AGTR2: variants seen among roughly 807,000 people sequenced by gnomAD.
The protein encoded by AGTR2 is angiotensin II receptor type 2, also known as type-2 angiotensin II receptor.
Under a neutral mutation model 14.2 loss-of-function variants are expected in AGTR2, and 15 were observed. The ratio of observed to expected loss-of-function variants is 1.05; its 90% CI spans 0.70 to 1.62. The LOEUF (loss-of-function observed/expected upper bound fraction) is 1.62, where lower values mean the gene tolerates loss of function less well. AGTR2 is among the 40% of genes most tolerant of loss of function. The pLI is 0.00. For synonymous variants in AGTR2, 101 were observed against 98.5 expected (o/e 1.03, Z -0.15); for missense variants, 274 against 273.1 (o/e 1.00, Z -0.02).
intron 2 of AGTR2, 59 bp from the exon 3 acceptor site, chrX:116,172,187 A>T: frequency 9.5e-7 from 1 of 1,057,025 alleles, no homozygotes; most frequent in East Asian, 3.0e-5. Flanking sequence ...AATGCTAATG[A>T]TTCAAGGATG....
chrX:116,172,989 CACTT>C lies in AGTR2; in HGVS notation c.713_716del (p.Leu238Ter). The C allele has an allele frequency of 8.3e-7, 1 of 1,211,008 alleles. No individual in the cohort carries two copies. Among genetic ancestry groups the C allele is most frequent in the Non-Finnish European group, 1.1e-6 (1 of 895,254 alleles). On this transcript the variant is annotated frameshift_variant, in exon 3 of 3. Coordinates refer to ENST00000371906, the MANE Select transcript of AGTR2 (RefSeq NM_000686.5). LOFTEE classifies it high-confidence loss of function. ...AACATGCTATTTTGGAATTAGAAAA[CACTT>C]ACTGAAGACGAATAGCTATGGGAAG... is the stretch of plus-strand genomic sequence containing the variant.
At chrX:116,172,145 T>C in intron 2 of AGTR2, 101 bp from the exon 3 acceptor site, 1 of 721,582 alleles carries the variant, frequency 1.4e-6, no homozygotes, top group South Asian at 2.5e-5. Context: ...CTATAATCAC[T>C]CACTTTTTTT....
At position 116,172,866 on chromosome X, in the gene AGTR2, A is replaced by G. The variant is rs782264305; in HGVS notation, c.586A>G (p.Ile196Val). The G allele has an allele frequency of 4.1e-6, 5 of 1,210,098 alleles. No individual in the cohort carries two copies. In the African/African-American group the frequency reaches 5.2e-5, roughly 13 times the overall value. Residue 196 changes from isoleucine to valine, a missense_variant, in exon 3 of 3, where the codon ATT (isoleucine) becomes GTT (valine). By Grantham distance (29) the Ile-to-Val change is conservative (BLOSUM62 3). Coordinates refer to ENST00000371906, the MANE Select transcript of AGTR2 (RefSeq NM_000686.5). ...TGAATACTTAGGAGTGAATGCTTGC[A>G]TTATGGCTTTCCCACCTGAGAAATA... ...TIEYLGVNAC[I>V]MAFPPEKYAQ... is the part of the protein sequence containing the mutation.
Position 116,173,487 on chromosome X carries a change from T to G in AGTR2, c.*115T>G. Reference sequence around the variant, plus strand: ...ATTTCCCCTAATCTTTTCTGAATCTTCTGAAACCAAATGTAACTATGTTTT... The same window carrying G: ...ATTTCCCCTAATCTTTTCTGAATCTGCTGAAACCAAATGTAACTATGTTTT... On this transcript the variant is annotated 3_prime_UTR_variant, in exon 3 of 3. Coordinates refer to ENST00000371906, the MANE Select transcript of AGTR2 (RefSeq NM_000686.5). The G allele has an allele frequency of 1.0e-6, 1 of 970,510 alleles. No individual in the cohort carries two copies. Among genetic ancestry groups the G allele is most frequent in the Non-Finnish European group, 1.4e-6 (1 of 705,907 alleles). 80.0% of individuals were successfully genotyped at this position (970,510 alleles called of 1,213,427 possible). A position where few individuals can be genotyped will look rare whatever the true frequency, so the allele number is the denominator to read the frequency against.
chrX:116,172,607 C>T lies in AGTR2; in HGVS notation c.327C>T (p.Asp109=). The T allele has an allele frequency of 1.3e-5, 16 of 1,211,242 alleles. No homozygotes were observed. Among genetic ancestry groups the T allele is most frequent in the Non-Finnish European group, 1.7e-5 (15 of 895,264 alleles). The change falls in exon 3 of 3, where the codon GAC becomes GAT. Residue 109 remains aspartate (D), a synonymous_variant. Transcript: ENST00000371906. ...LWATYYSYRY[D]WLFGPVMCKV... is the part of the protein sequence containing the mutation. ...CAACCTATTATTCTTATAGATATGA[C>T]TGGCTCTTTGGACCTGTGATGTGCA... is the stretch of plus-strand genomic sequence containing the variant.
Position 116,172,674 on chromosome X carries a change from A to AT in AGTR2, c.402dup (p.Ile135TyrfsTer7), listed in dbSNP as rs387906503. 4.4e-4 allele frequency: 533 copies of AT among 1,208,111 alleles called. No individual in the cohort carries two copies. Among genetic ancestry groups the AT allele is most frequent in the Non-Finnish European group, 5.3e-4 (477 of 894,371 alleles). On this transcript the variant is annotated frameshift_variant, in exon 3 of 3. Coordinates refer to ENST00000371906, the MANE Select transcript of AGTR2 (RefSeq NM_000686.5). LOFTEE classifies it high-confidence loss of function. Reference sequence around the variant, plus strand: ...TCTTACCCTGAACATGTTTGCAAGCATTTTTTTTATCACCTGCATGAGTGT... The same window carrying AT: ...TCTTACCCTGAACATGTTTGCAAGCATTTTTTTTTATCACCTGCATGAGTGT...
intron 2 of AGTR2, among the ~76,000 whole-genome samples, chrX:116,171,983 C>T (rs1556673628): frequency 8.9e-6 from 1 of 111,929 alleles, no homozygotes; most frequent in East Asian, 2.8e-4. Flanking sequence ...CTTTCAAAAA[C>T]ATCATAGAAA....
At chrX:116,171,849 TACAA>T (rs1392668409) in intron 2 of AGTR2, among the ~76,000 whole-genome samples, 2 of 111,770 alleles carry the variant, frequency 1.8e-5, no homozygotes, top group Non-Finnish European at 3.8e-5. Context: ...CTAGAAAGTA[TACAA>T]ACAGAGATAT....
At position 116,172,407 on chromosome X, in the gene AGTR2, C is replaced by T. The variant is rs146453853; in HGVS notation, c.127C>T (p.His43Tyr). The T allele has an allele frequency of 3.3e-5, 40 of 1,209,061 alleles. No homozygotes were observed. In the East Asian group the frequency reaches 1.1e-3, roughly 33 times the overall value. ...CTGTTCACAGAAACCATCAGATAAG[C>T]ATTTAGATGCAATTCCTATTCTTTA... ...LNCSQKPSDK[H>Y]LDAIPILYYI... is the part of the protein sequence containing the mutation. Residue 43 changes from histidine (H) to tyrosine (Y), a missense_variant, in exon 3 of 3, where the codon CAT becomes TAT. Coordinates refer to ENST00000371906, the MANE Select transcript of AGTR2 (RefSeq NM_000686.5).
At chrX:116,171,875 T>C (rs1213465882) in intron 2 of AGTR2, among the ~76,000 whole-genome samples, 3 of 111,702 alleles carry the variant, frequency 2.7e-5, no homozygotes, top group Non-Finnish European at 5.7e-5. Flanking sequence ...TGCTCAAGTG[T>C]TTTTTGAAAG....
intron 2 of AGTR2, among the ~76,000 whole-genome samples, chrX:116,171,620 T>C (rs1556673610): frequency 9.0e-6 from 1 of 111,354 alleles, no homozygotes. Context: ...GTGAAAACAA[T>C]AGAAAAGTAA....
chrX:116,173,091 C>T lies in AGTR2; in HGVS notation c.811C>T (p.Pro271Ser). ...VVLAFIICWL[P>S]FHVLTFLDAL... Reference sequence around the variant, plus strand: ...TCTGGCCTTCATCATTTGCTGGCTTCCCTTCCATGTTCTGACCTTCCTGGA... The same window carrying T: ...TCTGGCCTTCATCATTTGCTGGCTTTCCTTCCATGTTCTGACCTTCCTGGA... Residue 271 changes from proline to serine, a missense_variant, in exon 3 of 3, where the codon CCC becomes TCC. Physicochemically the swap from Pro to Ser is moderately conservative, Grantham distance 74. Transcript: ENST00000371906. The T allele has an allele frequency of 1.7e-6, 2 of 1,210,484 alleles. No homozygotes were observed. The highest frequency in any genetic ancestry group is 2.2e-6 in the Non-Finnish European group (2 of 894,926).
At position 116,172,851 on chromosome X, in the gene AGTR2, G is replaced by C. The variant is rs1356419367; in HGVS notation, c.571G>C (p.Gly191Arg). ...AGACGTCAGAACCATTGAATACTTAGGAGTGAATGCTTGCATTATGGCTTT... is the reference window on the plus strand; with the variant it reads ...AGACGTCAGAACCATTGAATACTTACGAGTGAATGCTTGCATTATGGCTTT... Reference protein sequence around the residue: ...FRDVRTIEYLGVNACIMAFPP... With the variant: ...FRDVRTIEYLRVNACIMAFPP... The change falls in exon 3 of 3, where the codon GGA (glycine) becomes CGA (arginine). Residue 191 changes from glycine to arginine, a missense_variant. Gly to Arg is a moderately radical substitution (Grantham distance 125, BLOSUM62 -2). Coordinates refer to ENST00000371906, the MANE Select transcript of AGTR2 (RefSeq NM_000686.5). The C allele has an allele frequency of 8.3e-7, 1 of 1,209,593 alleles. No homozygotes were observed. The highest frequency in any genetic ancestry group is 3.0e-5 in the East Asian group (1 of 33,767).
At chrX:116,172,141 T>A in intron 2 of AGTR2, 105 bp from the exon 3 acceptor site, 1 of 684,647 alleles carries the variant, frequency 1.5e-6, no homozygotes, top group East Asian at 3.3e-5. Flanking sequence ...TTTTCTATAA[T>A]CACTCACTTT....
chrX:116,172,363 A>T lies in AGTR2; in HGVS notation c.83A>T (p.Asn28Ile). 9.1e-6 allele frequency: 11 copies of T among 1,211,488 alleles called. No homozygotes were observed. Among genetic ancestry groups the T allele is most frequent in the Non-Finnish European group, 1.2e-5 (11 of 895,203 alleles). ...TTCGGGCTTGTGAACATCTCTGGCA[A>T]CAATGAGTCTACCTTGAACTGTTCA... ...LHFGLVNISG[N>I]NESTLNCSQK... is the part of the protein sequence containing the mutation. Residue 28 changes from asparagine (N) to isoleucine (I), a missense_variant, in exon 3 of 3, where the codon AAC becomes ATC. Asn to Ile is a moderately radical substitution (Grantham distance 149). Transcript: ENST00000371906.
At chrX:116,171,315 G>A (rs190423260) in intron 2 of AGTR2, among the ~76,000 whole-genome samples, 1 of 109,137 alleles carries the variant, frequency 9.2e-6, no homozygotes. Context: ...TGAGAGCAAC[G>A]GCTATTCAGT....
chrX:116,173,467 C>A lies in AGTR2; in HGVS notation c.*95C>A. ...GGTTTTAATAAAATAATAAAATTTC[C>A]CCTAATCTTTTCTGAATCTTCTGAA... On this transcript the variant is annotated 3_prime_UTR_variant, in exon 3 of 3. Coordinates refer to ENST00000371906, the MANE Select transcript of AGTR2 (RefSeq NM_000686.5). 1 of 1,083,327 alleles carries A rather than the reference C, an allele frequency of 9.2e-7. No homozygotes were observed. The highest frequency in any genetic ancestry group is 1.3e-6 in the Non-Finnish European group (1 of 799,223). The allele number at this position is 1,083,327 out of a possible 1,213,427, so 89.3% of individuals were successfully genotyped here. A position where few individuals can be genotyped will look rare whatever the true frequency, so the allele number is the denominator to read the frequency against.
Position 116,172,526 on chromosome X carries a change from C to T in AGTR2, c.246C>T (p.Tyr82=). The stretch of plus-strand genomic sequence containing the variant: ...GTCCTAAAAAGGTTTCTAGCATATA[C>T]ATCTTCAACCTCGCTGTGGCTGATT... ...QKGPKKVSSI[Y]IFNLAVADLL... The change falls in exon 3 of 3, where the codon TAC becomes TAT. Residue 82 remains tyrosine, a synonymous_variant. Coordinates refer to ENST00000371906, the MANE Select transcript of AGTR2 (RefSeq NM_000686.5). 8.3e-7 allele frequency: 1 copy of T among 1,211,501 alleles called. No homozygotes were observed. Among genetic ancestry groups the T allele is most frequent in the Non-Finnish European group, 1.1e-6 (1 of 895,313 alleles).
chrX:116,172,727 C>T lies in AGTR2; in HGVS notation c.447C>T (p.Pro149=), dbSNP rs1032486763. ...SVDRYQSVIY[P]FLSQRRNPWQ... is the part of the protein sequence containing the mutation. ...ATAGGTACCAATCTGTCATCTACCC[C>T]TTTCTGTCTCAAAGAAGAAATCCCT... The change falls in exon 3 of 3, where the codon CCC becomes CCT. Residue 149 remains proline, a synonymous_variant. Coordinates refer to ENST00000371906, the MANE Select transcript of AGTR2 (RefSeq NM_000686.5). The T allele has an allele frequency of 2.1e-5, 26 of 1,210,659 alleles. No homozygotes were observed. Among genetic ancestry groups the T allele is most frequent in the Non-Finnish European group, 2.8e-5 (25 of 894,671 alleles).
Sources: allele counts gnomAD v4.1 joint callset (sites outside exome capture counted in the v4.1 genomes callset), GRCh38; gene constraint gnomAD v4.1.1; transcripts MANE v1.5; gene names NCBI Gene and HGNC (gene_info 2026-07-23, HGNC 2026-07-21).